The following LCA5L variants were observed in gnomAD, a reference collection of about 807,000 sequenced individuals.
The protein encoded by LCA5L is lebercilin LCA5 like.
In LCA5L, 35 loss-of-function variants were observed where a neutral mutation model predicts 45.4. The observed-to-expected ratio is 0.77, with a 90% CI of 0.59 to 1.02. The LOEUF (loss-of-function observed/expected upper bound fraction) is 1.02, where lower values mean the gene tolerates loss of function less well. Among genes scored for constraint, LCA5L ranks in the 50% least tolerant of loss-of-function variants. The probability of loss-of-function intolerance (pLI) is 0.00; values close to 1 mark genes in which losing one functional copy is unlikely to be tolerated. For missense variants in LCA5L, 668 were observed against 761.6 expected (o/e 0.88, Z 1.45); for synonymous variants, 233 against 264.7 (o/e 0.88, Z 1.16).
At chr21:39,437,138 T>C (rs1335344118) in intron 2 of LCA5L, among the ~76,000 whole-genome samples, 1 of 152,162 alleles carries the variant, frequency 6.6e-6, no homozygotes, top group Non-Finnish European at 1.5e-5. Flanking sequence ...TTCATATCCA[T>C]TACTCCTGAA....
Position 39,420,693 on chromosome 21 carries a change from T to G in LCA5L, c.975+13A>C. Reference sequence around the variant, plus strand: ...CAGGATTTCATTCTTACATTTTGTTTTAAAAGAAATACCTTAAGTTTTTGT... The same window carrying G: ...CAGGATTTCATTCTTACATTTTGTTGTAAAAGAAATACCTTAAGTTTTTGT... On this transcript the variant is annotated intron_variant, in intron 7 of 10. Coordinates refer to ENST00000288350, the MANE Select transcript of LCA5L (RefSeq NM_152505.4). 1 of 1,603,642 alleles carries G rather than the reference T, an allele frequency of 6.2e-7. No homozygotes were observed.
intron 5 of LCA5L, among the ~76,000 whole-genome samples, chr21:39,425,387 T>A (rs1252810117): frequency 6.6e-6 from 1 of 152,222 alleles, no homozygotes; most frequent in African/African-American, 2.4e-5. Flanking sequence ...AAAGAACTCA[T>A]AGATTATACA....
chr21:39,428,598 A>ATATATATATATATATATATATTTT, intron 4 of LCA5L, 95 bp from the exon 5 acceptor site: 1 of 32,034 alleles, frequency 3.1e-5, no homozygotes. Flanking sequence ...ATATATATAT[A>ATATATATATATATATATATATTTT]TTTTTTTTTT....
At chr21:39,406,656 G>T (rs1470843711) in intron 10 of LCA5L, 44 bp from the exon 11 acceptor site, 2 of 1,434,958 alleles carry the variant, frequency 1.4e-6, no homozygotes, top group Non-Finnish European at 1.9e-6. Flanking sequence ...TAAAATGAAT[G>T]GATCTCTATT....
intron 2 of LCA5L, among the ~76,000 whole-genome samples, chr21:39,437,973 A>G (rs1169972156): frequency 1.3e-5 from 2 of 152,226 alleles, no homozygotes; most frequent in Non-Finnish European, 2.9e-5. Context: ...TACATGATCA[A>G]TGTATTCTCA....
intron 10 of LCA5L, 75 bp from the exon 11 acceptor site, chr21:39,406,687 C>T: frequency 9.2e-7 from 1 of 1,088,828 alleles, no homozygotes; most frequent in Non-Finnish European, 1.3e-6. Context: ...ATGTCTAGTA[C>T]ACTTACGTGC....
chr21:39,424,265 T>G (rs2074262832), intron 5 of LCA5L, among the ~76,000 whole-genome samples: 1 of 152,272 alleles, frequency 6.6e-6, no homozygotes, highest in African/African-American at 2.4e-5. Context: ...CCACCCTCCT[T>G]GGCCTCCCAA....
chr21:39,417,789 G>T (rs984928020), intron 7 of LCA5L, among the ~76,000 whole-genome samples: 1 of 151,640 alleles, frequency 6.6e-6, no homozygotes, highest in South Asian at 2.1e-4. Context: ...TTTTTGAGAT[G>T]GAGTCTCGCT....
At chr21:39,425,410 A>T (rs2074495294) in intron 5 of LCA5L, among the ~76,000 whole-genome samples, 1 of 152,240 alleles carries the variant, frequency 6.6e-6, no homozygotes, top group Non-Finnish European at 1.5e-5. Context: ...ACAGTATAAC[A>T]TCAATAACTG....
At chr21:39,420,554 T>TGTG in intron 7 of LCA5L, 152 bp downstream of exon 7, 1 of 290,232 alleles carries the variant, frequency 3.4e-6, no homozygotes, top group Non-Finnish European at 6.1e-6. Flanking sequence ...TAAACAGAAC[T>TGTG]GTGGATGGGG....
intron 5 of LCA5L, 25 bp downstream of exon 5, chr21:39,428,146 CT>C: frequency 7.1e-7 from 1 of 1,405,608 alleles, no homozygotes; most frequent in African/African-American, 1.4e-5. Context: ...GAAATTTGGT[CT>C]TGCTTGGGAA....
In LCA5L at chr21:39,423,054, G is replaced by GT; in HGVS notation, c.758dup (p.Asn253LysfsTer11). 6.2e-7 allele frequency: 1 copy of GT among 1,613,990 alleles called. No individual in the cohort carries two copies. The highest frequency in any genetic ancestry group is 8.5e-7 in the Non-Finnish European group (1 of 1,179,894). ...GAGTGAGTTCTTCCCTTTCTGCAAGGTTTTTGTCTTCAGAAAGTTTCTGCA... is the reference window on the plus strand; with the variant it reads ...GAGTGAGTTCTTCCCTTTCTGCAAGGTTTTTTGTCTTCAGAAAGTTTCTGCA... On this transcript the variant is annotated frameshift_variant, in exon 6 of 11. Coordinates refer to ENST00000288350, the MANE Select transcript of LCA5L (RefSeq NM_152505.4). LOFTEE classifies it high-confidence loss of function.
chr21:39,414,738 CTCTCTGTGTGTGTGTGTGTGTGTG>C (rs2040796121), intron 7 of LCA5L, among the ~76,000 whole-genome samples: 1 of 107,328 alleles, frequency 9.3e-6, no homozygotes, highest in South Asian at 3.5e-4. Flanking sequence ...CTCTCTCTCT[CTCTCTGTGTGTGTGTGTGTGTGTG>C]TGTGTGTGTG....
At chr21:39,410,165 T>A in intron 9 of LCA5L, 69 bp from the exon 10 acceptor site, 2 of 1,275,376 alleles carry the variant, frequency 1.6e-6, no homozygotes, top group Non-Finnish European at 2.3e-6. Context: ...CATTTTATTC[T>A]AATGACTACA....
At chr21:39,411,103 A>C (rs2040020778) in intron 8 of LCA5L, 1 of 339,632 alleles carries the variant, frequency 2.9e-6, no homozygotes, top group Non-Finnish European at 5.8e-6. Flanking sequence ...GCTGAACAAA[A>C]GCAGCCAGAT....
chr21:39,431,583 T>C (rs2148035774), intron 3 of LCA5L, among the ~76,000 whole-genome samples: 1 of 152,222 alleles, frequency 6.6e-6, no homozygotes, highest in Non-Finnish European at 1.5e-5. Context: ...AGTGGCATGA[T>C]CTCGGCTCAC....
At position 39,434,548 on chromosome 21, in the gene LCA5L, T is replaced by A. The variant is rs137896172; in HGVS notation, c.-92+872A>T. On this transcript the variant is annotated intron_variant, in intron 3 of 10. Coordinates refer to ENST00000288350, the MANE Select transcript of LCA5L (RefSeq NM_152505.4). ...TGTTCTTTCTTTTGAGACGGGGTCTTACTCTGTTGCCTAGACTGGAGTGCA... is the reference window on the plus strand; with the variant it reads ...TGTTCTTTCTTTTGAGACGGGGTCTAACTCTGTTGCCTAGACTGGAGTGCA... Among the ~76,000 whole-genome samples, 576 of 152,294 alleles carry A rather than the reference T, an allele frequency of 3.8e-3. 3 individuals are homozygous for A. Among genetic ancestry groups the A allele is most frequent in the African/African-American group, 0.013 (530 of 41,566 alleles).
chr21:39,426,448 C>G (rs1174859956), intron 5 of LCA5L, among the ~76,000 whole-genome samples: 1 of 152,152 alleles, frequency 6.6e-6, no homozygotes. Flanking sequence ...TATATAGATT[C>G]AAGATCTCTT....
In LCA5L at chr21:39,405,986, T is replaced by G. The variant is rs748205431; in HGVS notation, c.1909A>C (p.Ser637Arg). ...QSKESHPLPP[S>R]QASTSHAFGD... Reference sequence around the variant, plus strand: ...AAAGCATGGCTGGTGGAGGCCTGACTGGGAGGCAGGGGATGCGACTCCTTA... The same window carrying G: ...AAAGCATGGCTGGTGGAGGCCTGACGGGGAGGCAGGGGATGCGACTCCTTA... Residue 637 changes from serine to arginine, a missense_variant, in exon 11 of 11, where the codon AGT becomes CGT. Transcript: ENST00000288350. 1 of 1,614,256 alleles carries G rather than the reference T, an allele frequency of 6.2e-7. No individual in the cohort carries two copies. Among genetic ancestry groups the G allele is most frequent in the East Asian group, 2.2e-5 (1 of 44,886 alleles).
Sources: gnomAD v4.1 joint callset for allele counts (sites outside exome capture counted in the v4.1 genomes callset) on GRCh38, gnomAD v4.1.1 for gene constraint, MANE v1.5 for transcripts, NCBI Gene and HGNC (gene_info 2026-07-23, HGNC 2026-07-21) for gene names.